The following CLSTN2 variants were observed in gnomAD, a reference collection of about 807,000 sequenced individuals.
The protein encoded by CLSTN2 is calsyntenin 2.
A neutral mutation model predicts 101.2 loss-of-function variants in CLSTN2; 48 were observed. That is an observed-to-expected ratio of 0.47 (90% CI 0.38 to 0.60). The LOEUF is 0.60. Among genes scored for constraint, CLSTN2 ranks in the 20% least tolerant of loss-of-function variants. The pLI, the probability that CLSTN2 is intolerant of heterozygous loss-of-function variation, is 0.00. For synonymous variants in CLSTN2, 481 were observed against 463.6 expected (o/e 1.04, Z -0.48); for missense variants, 1,160 against 1,238.2 (o/e 0.94, Z 0.95).
chr3:140,346,210 A>G (rs1281470727), intron 2 of CLSTN2, among the ~76,000 whole-genome samples: 4 of 152,226 alleles, frequency 2.6e-5, no homozygotes, highest in Non-Finnish European at 5.9e-5. Context: ...CGAGTGAGCT[A>G]TAAAATTCAT....
At chr3:140,139,137 G>A (rs965629005) in intron 1 of CLSTN2, among the ~76,000 whole-genome samples, 58 of 152,246 alleles carry the variant, frequency 3.8e-4, no homozygotes, top group Admixed American at 1.2e-3. Flanking sequence ...AGTATTTGGC[G>A]GCATTCTAGG....
rs145364841 is a variant in CLSTN2, at chr3:140,196,350, T to C, written c.232+20277T>C. On this transcript the variant is annotated intron_variant, in intron 2 of 16. Transcript: ENST00000458420. ...GGAAACAGGAGGGCTAAGGTGCAGA[T>C]GTAGGATTTGTTCATGAGTTATCAT... Among the ~76,000 whole-genome samples, 1,405 of 152,302 alleles carry C rather than the reference T, an allele frequency of 9.2e-3. 21 individuals carry two copies. The highest frequency in any genetic ancestry group is 0.032 in the African/African-American group (1,339 of 41,562).
chr3:140,377,760 T>G (rs1416243769), intron 2 of CLSTN2, among the ~76,000 whole-genome samples: 1 of 152,190 alleles, frequency 6.6e-6, no homozygotes, highest in Non-Finnish European at 1.5e-5. Context: ...TAAGGTTAAT[T>G]TATTATTCAA....
intron 2 of CLSTN2, among the ~76,000 whole-genome samples, chr3:140,255,148 T>C (rs2086594667): frequency 6.6e-6 from 1 of 151,998 alleles, no homozygotes; most frequent in Non-Finnish European, 1.5e-5. Context: ...AGCAAAAAAA[T>C]AACAGGTGCT....
Position 140,562,245 on chromosome 3 carries a change from C to G in CLSTN2, c.2149C>G (p.His717Asp). ...AAGGCAGGAGTGCTTGGAGCTCAACCACAGTGAGCTCCACCAACGACACCT... is the reference window on the plus strand; with the variant it reads ...AAGGCAGGAGTGCTTGGAGCTCAACGACAGTGAGCTCCACCAACGACACCT... ...DPRQECLELN[H>D]SELHQRHLDA... The change falls in exon 13 of 17, where the codon CAC (histidine) becomes GAC (aspartate). Residue 717 changes from histidine (H) to aspartate (D), a missense_variant. Transcript: ENST00000458420. 1.2e-6 allele frequency: 2 copies of G among 1,613,640 alleles called. No individual in the cohort carries two copies. Among genetic ancestry groups the G allele is most frequent in the Non-Finnish European group, 1.7e-6 (2 of 1,179,574 alleles).
rs756620531 is a variant in CLSTN2 at position 140,562,908 on chromosome 3, G to A, written c.2310G>A (p.Lys770=). The part of the protein sequence containing the change: ...ASLEARRFRI[K]CSELNGRYTS... Reference sequence around the variant, plus strand: ...TTGAGGCCCGGCGTTTCCGGATTAAGTGCTCAGAACTCAATGGGCGCTACA... The same window carrying A: ...TTGAGGCCCGGCGTTTCCGGATTAAATGCTCAGAACTCAATGGGCGCTACA... Residue 770 remains lysine (K), a synonymous_variant, in exon 14 of 17, where the codon AAG becomes AAA. Transcript: ENST00000458420. 2 of 1,614,164 alleles carry A rather than the reference G, an allele frequency of 1.2e-6. No individual in the cohort carries two copies. Among genetic ancestry groups the A allele is most frequent in the South Asian group, 2.2e-5 (2 of 91,074 alleles).
intron 2 of CLSTN2, among the ~76,000 whole-genome samples, chr3:140,214,130 C>T (rs1027459452): frequency 2.0e-5 from 3 of 151,896 alleles, no homozygotes; most frequent in East Asian, 1.9e-4. Context: ...ATCCGAGCCT[C>T]AACTTCCTTA....
chr3:139,998,807 A>G (rs2006750534), intron 1 of CLSTN2, among the ~76,000 whole-genome samples: 1 of 152,138 alleles, frequency 6.6e-6, no homozygotes, highest in South Asian at 2.1e-4. Context: ...GGCCCAGAGC[A>G]GAACTTAGAA....
chr3:140,160,168 GA>G (rs1341763388), intron 1 of CLSTN2, among the ~76,000 whole-genome samples: 16 of 151,960 alleles, frequency 1.1e-4, no homozygotes, highest in African/African-American at 3.9e-4. Context: ...AATAAAAGTT[GA>G]AATTCTAAAA....
chr3:140,460,254 T>A (rs1220279692), intron 7 of CLSTN2: 1 of 164,034 alleles, frequency 6.1e-6, no homozygotes, highest in Admixed American at 5.6e-5. Context: ...ATAGCTACCA[T>A]TCGATAGGCT....
chr3:140,175,830 C>T, intron 1 of CLSTN2, 121 bp from the exon 2 acceptor site: 8 of 975,708 alleles, frequency 8.2e-6, no homozygotes. Context: ...TGTTCCATGT[C>T]TCTCATGGGA....
chr3:140,351,710 G>C (rs532992636), intron 2 of CLSTN2, among the ~76,000 whole-genome samples: 1 of 152,092 alleles, frequency 6.6e-6, no homozygotes. Context: ...CTAGAGGCCC[G>C]ACCTCTGTTG....
intron 7 of CLSTN2, among the ~76,000 whole-genome samples, chr3:140,464,461 A>T (rs1253851999): frequency 6.6e-6 from 1 of 152,268 alleles, no homozygotes; most frequent in Non-Finnish European, 1.5e-5. Context: ...ATTCCTAAGG[A>T]CAGGAAAAGG....
At chr3:140,004,020 G>T (rs915102394) in intron 1 of CLSTN2, among the ~76,000 whole-genome samples, 3 of 152,034 alleles carry the variant, frequency 2.0e-5, no homozygotes, top group Non-Finnish European at 2.9e-5. Flanking sequence ...TGTTATGGAG[G>T]TGCTAATATT....
intron 2 of CLSTN2, among the ~76,000 whole-genome samples, chr3:140,353,414 C>T (rs978740671): frequency 9.9e-5 from 15 of 152,062 alleles, no homozygotes; most frequent in Admixed American, 7.2e-4. Context: ...GGGAGAAAGA[C>T]GTATACTGGG....
chr3:140,100,057 C>A (rs1443400054), intron 1 of CLSTN2, among the ~76,000 whole-genome samples: 1 of 152,136 alleles, frequency 6.6e-6, no homozygotes, highest in East Asian at 1.9e-4. Flanking sequence ...AGTTTTTTCC[C>A]TTCTATTTAT....
intron 2 of CLSTN2, among the ~76,000 whole-genome samples, chr3:140,177,924 T>A (rs6780870): frequency 0.077 from 11,634 of 152,038 alleles, 588 homozygotes; most frequent in African/African-American, 0.13. Context: ...CTCACTTCCC[T>A]CATCCCCTTT....
chr3:140,040,335 C>T (rs2007736804), intron 1 of CLSTN2, among the ~76,000 whole-genome samples: 1 of 152,144 alleles, frequency 6.6e-6, no homozygotes, highest in South Asian at 2.1e-4. Flanking sequence ...AGTCAACACT[C>T]CTGGGGTGCT....
intron 1 of CLSTN2, among the ~76,000 whole-genome samples, chr3:140,066,417 GA>G (rs2107774998): frequency 6.6e-6 from 1 of 152,352 alleles, no homozygotes; most frequent in East Asian, 1.9e-4. Flanking sequence ...AGTATTAGAG[GA>G]AAGGCTTGGG....
Sources: gnomAD v4.1 joint callset for allele counts (sites outside exome capture counted in the v4.1 genomes callset) on GRCh38, gnomAD v4.1.1 for gene constraint, MANE v1.5 for transcripts, NCBI Gene and HGNC (gene_info 2026-07-23, HGNC 2026-07-21) for gene names.